The following PRRX2 variants were observed in gnomAD, a reference collection of about 807,000 sequenced individuals.
PRRX2 encodes the protein paired related homeobox 2, also known as paired mesoderm homeobox protein 2.
Under a neutral mutation model 18.0 loss-of-function variants are expected in PRRX2, and 11 were observed. That is an observed-to-expected ratio of 0.61 (90% CI 0.39 to 1.01). The LOEUF (loss-of-function observed/expected upper bound fraction) is 1.01, where lower values mean the gene tolerates loss of function less well. Ranked by LOEUF, PRRX2 falls within the 50% of genes least tolerant of loss-of-function variation. PRRX2 has a pLI of 0.01. For missense variants in PRRX2, 387 were observed against 351.0 expected (o/e 1.10, Z -0.82); for synonymous variants, 177 against 154.8 (o/e 1.14, Z -1.06).
chr9:129,688,886 T>A (rs1832325592), intron 1 of PRRX2, among the ~76,000 whole-genome samples: 1 of 152,096 alleles, frequency 6.6e-6, no homozygotes, highest in South Asian at 2.1e-4. Context: ...AGGCCTAGCA[T>A]CCTCCCCTCT....
chr9:129,716,809 T>C (rs1033977901), intron 1 of PRRX2, among the ~76,000 whole-genome samples: 3 of 152,086 alleles, frequency 2.0e-5, no homozygotes, highest in Non-Finnish European at 4.4e-5. Flanking sequence ...TATTTTGTTA[T>C]ATTTGCAAAA....
Position 129,684,269 on chromosome 9 carries a change from G to A in PRRX2, c.259+18143G>A, listed in dbSNP as rs139945488. ...GGTCCCAGCTAGCTTAAGCAAACTA[G>A]GATATATTTATTAGCCTAATTTAGA... On this transcript the variant is annotated intron_variant, in intron 1 of 3. Coordinates refer to ENST00000372469, the MANE Select transcript of PRRX2 (RefSeq NM_016307.4). Among the ~76,000 whole-genome samples the A allele has an allele frequency of 2.6e-5, 4 of 152,164 alleles. No individual in the cohort carries two copies. The East Asian group carries it at 7.7e-4, about 29-fold the overall frequency.
intron 1 of PRRX2, among the ~76,000 whole-genome samples, chr9:129,683,129 T>C (rs1832254988): frequency 6.6e-6 from 1 of 151,958 alleles, no homozygotes; most frequent in East Asian, 1.9e-4. Flanking sequence ...TCCCTCTGGC[T>C]ATGCCAGTTC....
At chr9:129,698,878 T>C (rs951490586) in intron 1 of PRRX2, among the ~76,000 whole-genome samples, 1 of 152,168 alleles carries the variant, frequency 6.6e-6, no homozygotes, top group Non-Finnish European at 1.5e-5. Flanking sequence ...ATCTTCCTGG[T>C]GTCTGGAGGC....
intron 1 of PRRX2, among the ~76,000 whole-genome samples, chr9:129,684,266 C>G (rs1832268480): frequency 6.6e-6 from 1 of 152,054 alleles, no homozygotes; most frequent in African/African-American, 2.4e-5. Context: ...CTTAAGCAAA[C>G]TAGGATATAT....
At position 129,666,034 on chromosome 9, in the gene PRRX2, C is replaced by T; in HGVS notation, c.167C>T (p.Ala56Val). ...GAGGTGGCGGCGGCCGGGCGGCTGG[C>T]GGCGCGCCCCGGGGCCAGGGCCGAG... ...LEEVAAAGRL[A>V]ARPGARAEAR... Residue 56 changes from alanine to valine, a missense_variant, in exon 1 of 4, where the codon GCG becomes GTG. Ala to Val is a moderately conservative substitution (Grantham distance 64). Coordinates refer to ENST00000372469, the MANE Select transcript of PRRX2 (RefSeq NM_016307.4). The T allele has an allele frequency of 9.5e-7, 1 of 1,054,968 alleles. No individual in the cohort carries two copies. Among genetic ancestry groups the T allele is most frequent in the Non-Finnish European group, 1.1e-6 (1 of 879,144 alleles). 65.4% of individuals were successfully genotyped at this position (1,054,968 alleles called of 1,614,324 possible).
intron 1 of PRRX2, among the ~76,000 whole-genome samples, chr9:129,706,132 G>T (rs1002188992): frequency 6.6e-6 from 1 of 152,036 alleles, no homozygotes; most frequent in African/African-American, 2.4e-5. Flanking sequence ...TTCACATACT[G>T]TACAATCACC....
chr9:129,689,987 G>A (rs1204129300), intron 1 of PRRX2, among the ~76,000 whole-genome samples: 5 of 151,868 alleles, frequency 3.3e-5, no homozygotes, highest in Non-Finnish European at 4.4e-5. Context: ...TCTTGACCTT[G>A]TGATCCGCCC....
chr9:129,666,138 C>G lies in PRRX2; in HGVS notation c.259+12C>G. ...GGCGCCGCAGGATGGTGAGTACGGC[C>G]GGCCAGGGACGGGGGTGGCGGGGCC... On this transcript the variant is annotated intron_variant, in intron 1 of 3. Coordinates refer to ENST00000372469, the MANE Select transcript of PRRX2 (RefSeq NM_016307.4). The G allele has an allele frequency of 2.1e-6, 2 of 951,556 alleles. No homozygotes were observed. The highest frequency in any genetic ancestry group is 2.5e-6 in the Non-Finnish European group (2 of 807,204). 58.9% of individuals were successfully genotyped at this position (951,556 alleles called of 1,614,324 possible). A position where few individuals can be genotyped will look rare whatever the true frequency, so the allele number is the denominator to read the frequency against.
At chr9:129,677,577 C>T (rs1832175150) in intron 1 of PRRX2, among the ~76,000 whole-genome samples, 2 of 152,244 alleles carry the variant, frequency 1.3e-5, no homozygotes, top group Admixed American at 1.3e-4. Flanking sequence ...TGCAGGGACA[C>T]ACCCATGCAG....
intron 1 of PRRX2, among the ~76,000 whole-genome samples, chr9:129,668,718 A>C (rs896829305): frequency 6.8e-6 from 1 of 146,454 alleles, no homozygotes; most frequent in Non-Finnish European, 1.5e-5. Context: ...CGGAGGTTGC[A>C]GTGAGCCAAG....
intron 1 of PRRX2, among the ~76,000 whole-genome samples, chr9:129,714,101 G>C (rs1430774580): frequency 6.7e-6 from 1 of 150,162 alleles, no homozygotes; most frequent in African/African-American, 2.4e-5. Context: ...TCAGGAGTTC[G>C]AGACCAGCCT....
intron 1 of PRRX2, among the ~76,000 whole-genome samples, chr9:129,684,585 T>C (rs564396991): frequency 6.6e-6 from 1 of 150,982 alleles, no homozygotes; most frequent in African/African-American, 2.4e-5. Context: ...TGTGCCATGA[T>C]TGGGTCCTTA....
rs1212542981 is a variant in PRRX2, at chr9:129,721,072, C to T, written c.626+298C>T. ...GTATGCAAAGGAGCGTGCAAGCATG[C>T]GTGTCCACAGGGGTGTGAGTGTGTG... On this transcript the variant is annotated intron_variant, in intron 3 of 3. Transcript: ENST00000372469. 3.9e-5 allele frequency among the ~76,000 whole-genome samples: 6 copies of T among 152,324 alleles called. No homozygotes were observed. Among genetic ancestry groups the T allele is most frequent in the African/African-American group, 4.8e-5 (2 of 41,550 alleles).
chr9:129,706,730 A>G (rs1832562354), intron 1 of PRRX2, among the ~76,000 whole-genome samples: 1 of 152,192 alleles, frequency 6.6e-6, no homozygotes, highest in Non-Finnish European at 1.5e-5. Context: ...ATCTCAAAAA[A>G]TAAAATTAAA....
rs1012862790 is a variant in PRRX2, at chr9:129,671,300, C to T, written c.259+5174C>T. Among the ~76,000 whole-genome samples, 4 of 152,144 alleles carry T rather than the reference C, an allele frequency of 2.6e-5. No individual in the cohort carries two copies. Among genetic ancestry groups the T allele is most frequent in the African/African-American group, 7.2e-5 (3 of 41,428 alleles). On this transcript the variant is annotated intron_variant, in intron 1 of 3. Transcript: ENST00000372469. The surrounding 1 kb of genome is among the most constrained non-coding windows in gnomAD (Gnocchi z 4.0). ...GCTGGGCCTCCCAGCGTGGCTAGGG[C>T]GGGACAGTGGCCTGCATCTCGGCCT... is the stretch of plus-strand genomic sequence containing the variant.
In PRRX2 at chr9:129,671,656, G is replaced by T. The variant is rs1832102307; in HGVS notation, c.259+5530G>T. Among the ~76,000 whole-genome samples, 1 of 152,242 alleles carries T rather than the reference G, an allele frequency of 6.6e-6. No homozygotes were observed. Among genetic ancestry groups the T allele is most frequent in the Non-Finnish European group, 1.5e-5 (1 of 68,048 alleles). ...AGGGCGTGTCGAGCCCTGAGTGGGT[G>T]AGGGTTCTGGGTACCATGCCTAGTC... On this transcript the variant is annotated intron_variant, in intron 1 of 3. Coordinates refer to ENST00000372469, the MANE Select transcript of PRRX2 (RefSeq NM_016307.4). This position sits in a 1 kb window ranked among gnomAD's most constrained non-coding sequence, Gnocchi z 4.0.
At chr9:129,701,261 A>T (rs906719519) in intron 1 of PRRX2, among the ~76,000 whole-genome samples, 2 of 152,242 alleles carry the variant, frequency 1.3e-5, no homozygotes, top group Non-Finnish European at 2.9e-5. Context: ...TGTGTCGCTC[A>T]CAGCGGGAAG....
chr9:129,716,307 G>C (rs964141520), intron 1 of PRRX2, among the ~76,000 whole-genome samples: 8 of 152,166 alleles, frequency 5.3e-5, no homozygotes, highest in Non-Finnish European at 7.3e-5. Flanking sequence ...TAGGGCTCTG[G>C]TTGAATAAAC....
Sources: gnomAD v4.1 joint callset for allele counts (sites outside exome capture counted in the v4.1 genomes callset) on GRCh38, gnomAD v4.1.1 for gene constraint, Gnocchi (gnomAD v3.1) non-coding constraint, MANE v1.5 for transcripts, NCBI Gene and HGNC (gene_info 2026-07-23, HGNC 2026-07-21) for gene names.